NUP214: variants seen among roughly 807,000 people sequenced by gnomAD.
The protein encoded by NUP214 is nucleoporin 214.
Under a neutral mutation model 196.2 loss-of-function variants are expected in NUP214, and 79 were observed. That is an observed-to-expected ratio of 0.40 (90% confidence interval 0.34 to 0.49). NUP214 has a LOEUF of 0.49. Ranked by LOEUF, NUP214 falls within the 20% of genes least tolerant of loss-of-function variation. NUP214 has a pLI of 0.58. For missense variants in NUP214, 2,468 were observed against 2,539.0 expected, an observed-to-expected ratio of 0.97 and a Z score of 0.60; for synonymous variants, 1,020 against 990.5, an observed-to-expected ratio of 1.03 and a Z score of -0.56.
At position 131,150,330 on chromosome 9, in the gene NUP214, T is replaced by G; in HGVS notation, c.2047T>G (p.Ser683Ala). 6.2e-7 allele frequency: 1 copy of G among 1,614,138 alleles called. No homozygotes were observed. Among genetic ancestry groups the G allele is most frequent in the Non-Finnish European group, 8.5e-7 (1 of 1,179,964 alleles). The change falls in exon 15 of 36, where the codon TCA (serine) becomes GCA (alanine). Residue 683 changes from serine to alanine, a missense_variant. Around this residue, in one of 5 missense-constraint regions of NUP214, gnomAD observed 1,801 missense variants for 1,779.4 expected, o/e 1.01. Coordinates refer to ENST00000359428, the MANE Select transcript of NUP214 (RefSeq NM_005085.4). ...AAKPGSPQAK[S>A]LQPAVAEKQG... is the part of the protein sequence containing the mutation. ...CCTTTTCCTTCCATTTCAGGCAAAG[T>G]CACTTCAGCCTGCTGTTGCAGAAAA...
chr9:131,169,599 G>A (rs1832896894), intron 21 of NUP214, among the ~76,000 whole-genome samples: 1 of 152,180 alleles, frequency 6.6e-6, no homozygotes, highest in Non-Finnish European at 1.5e-5. Context: ...TACTGTAATG[G>A]CAAACACGTA....
intron 14 of NUP214, among the ~76,000 whole-genome samples, chr9:131,148,547 G>A (rs769985534): frequency 2.6e-5 from 4 of 152,148 alleles, no homozygotes; most frequent in Non-Finnish European, 5.9e-5. Context: ...AAGAGTGTAT[G>A]AGACTTCTGG....
In NUP214 at chr9:131,198,066, C is replaced by G; in HGVS notation, c.4572C>G (p.Ala1524=). The G allele has an allele frequency of 6.2e-7, 1 of 1,614,194 alleles. No homozygotes were observed. The highest frequency in any genetic ancestry group is 8.5e-7 in the Non-Finnish European group (1 of 1,180,032). Reference sequence around the variant, plus strand: ...CACTTCTAGAGGAGCAACAGTCAGCCCAGCTTCCCCAGGCTCCTCCGCAAA... The same window carrying G: ...CACTTCTAGAGGAGCAACAGTCAGCGCAGCTTCCCCAGGCTCCTCCGCAAA... ...AASLLEEQQS[A]QLPQAPPQTS... The change falls in exon 29 of 36, where the codon GCC becomes GCG. Residue 1524 remains alanine (A), a synonymous_variant. Coordinates refer to ENST00000359428, the MANE Select transcript of NUP214 (RefSeq NM_005085.4).
chr9:131,166,525 A>G (rs1384978027), intron 21 of NUP214, among the ~76,000 whole-genome samples: 1 of 152,208 alleles, frequency 6.6e-6, no homozygotes, highest in East Asian at 1.9e-4. Context: ...ATACTCATTT[A>G]ATGTTAGTGG....
intron 30 of NUP214, among the ~76,000 whole-genome samples, chr9:131,214,323 G>C (rs1009282000): frequency 6.6e-6 from 1 of 152,190 alleles, no homozygotes; most frequent in African/African-American, 2.4e-5. Flanking sequence ...TTCAGGCTCT[G>C]TTCTAAAGTG....
In NUP214 at chr9:131,175,480, A is replaced by C; in HGVS notation, c.3178A>C (p.Ile1060Leu). 6.2e-7 allele frequency: 1 copy of C among 1,614,134 alleles called. No individual in the cohort carries two copies. The highest frequency in any genetic ancestry group is 1.1e-5 in the South Asian group (1 of 91,080). Residue 1060 changes from isoleucine (I) to leucine (L), a missense_variant, in exon 23 of 36, where the codon ATT (isoleucine) becomes CTT (leucine). Transcript: ENST00000359428. ...GTSVATSASKIIPQGADSTML... is the reference protein window; with the variant it reads ...GTSVATSASKLIPQGADSTML... ...CTTAGTGGCTACATCTGCTAGCAAA[A>C]TTATTCCTCAAGGGGCCGATAGCAC...
rs577972154 is a variant in NUP214 at position 131,127,357 on chromosome 9, T to C, written c.46-167T>C. Among the ~76,000 whole-genome samples, 4 of 152,314 alleles carry C rather than the reference T, an allele frequency of 2.6e-5. No individual in the cohort carries two copies. The South Asian group carries it at 8.3e-4, about 32-fold the overall frequency. On this transcript the variant is annotated intron_variant, in intron 1 of 35. Coordinates refer to ENST00000359428, the MANE Select transcript of NUP214 (RefSeq NM_005085.4). Reference sequence around the variant, plus strand: ...AAGATCGCTGCACTGCACTCCAGCCTGGACGACAGAGCGAGACTCCATCTC... The same window carrying C: ...AAGATCGCTGCACTGCACTCCAGCCCGGACGACAGAGCGAGACTCCATCTC...
rs778211365 is a variant in NUP214, at chr9:131,197,757, C to A, written c.4263C>A (p.Ser1421=). 6.2e-7 allele frequency: 1 copy of A among 1,614,102 alleles called. No homozygotes were observed. Among genetic ancestry groups the A allele is most frequent in the Non-Finnish European group, 8.5e-7 (1 of 1,180,052 alleles). ...FGSLPVTSAG[S]SGVISFGGTS... ...GTCTGCCAGTCACCAGTGCAGGATC[C>A]TCTGGGGTCATCAGTTTTGGTGGGA... Residue 1421 remains serine (S), a synonymous_variant, in exon 29 of 36, where the codon TCC becomes TCA. Coordinates refer to ENST00000359428, the MANE Select transcript of NUP214 (RefSeq NM_005085.4).
rs1200884260 is a variant in NUP214 at position 131,139,302 on chromosome 9, C to T, written c.1027C>T (p.Leu343=). Residue 343 remains leucine (L), a synonymous_variant, in exon 10 of 36, where the codon CTG becomes TTG. Transcript: ENST00000359428. ...TTAGATTAATTGGGAATCTTGGCTA[C>T]TGGAGGATTCTAGTCGAGCTGAATT... ...SDQINWESWL[L]EDSSRAELPV... is the part of the protein sequence containing the mutation. 9.1e-7 allele frequency: 1 copy of T among 1,102,170 alleles called. No individual in the cohort carries two copies. 68.3% of individuals were successfully genotyped at this position (1,102,170 alleles called of 1,614,324 possible).
intron 21 of NUP214, among the ~76,000 whole-genome samples, chr9:131,169,034 G>GTTTTTTTT (rs58054099): frequency 8.1e-6 from 1 of 124,130 alleles, no homozygotes; most frequent in African/African-American, 3.1e-5. Context: ...GTTTTTTTTT[G>GTTTTTTTT]TTTTTTTTTT....
Position 131,125,934 on chromosome 9 carries a change from G to C in NUP214, c.45+185G>C, listed in dbSNP as rs1588117574. 1.0e-5 allele frequency: 7 copies of C among 697,934 alleles called. No homozygotes were observed. The East Asian group carries it at 1.7e-4, about 17-fold the overall frequency. The allele number at this position is 697,934 out of a possible 1,614,324, so 43.2% of individuals were successfully genotyped here. A position where few individuals can be genotyped will look rare whatever the true frequency, so the allele number is the denominator to read the frequency against. Reference sequence around the variant, plus strand: ...TAGCCCCACCGAATGCAGTTTCCCAGTCCCATCCTGGTCTCGTGCACGGCT... The same window carrying C: ...TAGCCCCACCGAATGCAGTTTCCCACTCCCATCCTGGTCTCGTGCACGGCT... On this transcript the variant is annotated intron_variant, in intron 1 of 35. Coordinates refer to ENST00000359428, the MANE Select transcript of NUP214 (RefSeq NM_005085.4). The surrounding 1 kb of genome is among the most constrained non-coding windows in gnomAD (Gnocchi z 4.1).
At chr9:131,164,262 A>T in intron 21 of NUP214, 118 bp downstream of exon 21, 1 of 828,926 alleles carries the variant, frequency 1.2e-6, no homozygotes, top group Non-Finnish European at 2.0e-6. Context: ...ATGTGTGTGT[A>T]AGTGTGTGTG....
chr9:131,231,896 G>A (rs1834888293), intron 34 of NUP214, among the ~76,000 whole-genome samples: 1 of 134,564 alleles, frequency 7.4e-6, no homozygotes, highest in African/African-American at 2.9e-5. Flanking sequence ...GCAAATGGAT[G>A]GAAAAACAAC....
chr9:131,150,372 A>T lies in NUP214; in HGVS notation c.2089A>T (p.Lys697Ter). ...TGCAGAAAAGCAGGGACATCAGTGG[A>T]AAGATTCAGATCCTGTAATGGCTGG... ...AVAEKQGHQW[K>*]DSDPVMAGIG... Residue 697 changes from lysine (K) to a stop codon, truncating the protein, a stop_gained, in exon 15 of 36, where the codon AAA becomes TAA. Transcript: ENST00000359428. LOFTEE classifies it high-confidence loss of function. 1 of 1,614,218 alleles carries T rather than the reference A, an allele frequency of 6.2e-7. No homozygotes were observed. The highest frequency in any genetic ancestry group is 8.5e-7 in the Non-Finnish European group (1 of 1,180,032).
rs776259804 is a variant in NUP214 at position 131,198,794 on chromosome 9, C to G, written c.5300C>G (p.Thr1767Ser). The G allele has an allele frequency of 3.5e-5, 57 of 1,614,246 alleles. No homozygotes were observed. The highest frequency in any genetic ancestry group is 4.7e-5 in the Non-Finnish European group (56 of 1,180,038). Residue 1767 changes from threonine to serine, a missense_variant, in exon 29 of 36, where the codon ACC becomes AGC. By Grantham distance (58) the Thr-to-Ser change is moderately conservative (BLOSUM62 1). Around this residue, in one of 5 missense-constraint regions of NUP214, gnomAD observed 1,801 missense variants for 1,779.4 expected, o/e 1.01. Transcript: ENST00000359428. Reference sequence around the variant, plus strand: ...CCTGCTTCCTCCACTCCCACATCCACCAGTGGAAGTGTCTTTGGTGCCGCC... The same window carrying G: ...CCTGCTTCCTCCACTCCCACATCCAGCAGTGGAAGTGTCTTTGGTGCCGCC... ...GQPASSTPTS[T>S]SGSVFGAASS...
At position 131,130,132 on chromosome 9, in the gene NUP214, G is replaced by GTTTTTTTTTTTTTTT. The variant is rs1245763919; in HGVS notation, c.593-630_593-629insTTTTTTTTTTTTTTT. Among the ~76,000 whole-genome samples, 14 of 46,608 alleles carry GTTTTTTTTTTTTTTT rather than the reference G, an allele frequency of 3.0e-4. 1 individual carries two copies. The highest frequency in any genetic ancestry group is 3.4e-4 in the Non-Finnish European group (8 of 23,464). The allele number at this position is 46,608 out of a possible 152,430, so 30.6% of individuals were successfully genotyped here. A position where few individuals can be genotyped will look rare whatever the true frequency, so the allele number is the denominator to read the frequency against. ...AATGGGAGCAGGAGAATGATTTCTG[G>GTTTTTTTTTTTTTTT]TTTTGTTTTTTTTTTTTTGTTTTTT... On this transcript the variant is annotated intron_variant, in intron 4 of 35. Coordinates refer to ENST00000359428, the MANE Select transcript of NUP214 (RefSeq NM_005085.4).
Position 131,132,119 on chromosome 9 carries a change from C to CTTTTTTTTTTTTTTTTTTTTTTTTTCTTT in NUP214, c.664-461_664-460insTTTTTTTTTCTTTTTTTTTTTTTTTTTTT, listed in dbSNP as rs71389396. Among the ~76,000 whole-genome samples the CTTTTTTTTTTTTTTTTTTTTTTTTTCTTT allele has an allele frequency of 1.7e-5, 2 of 114,660 alleles. 1 individual carries two copies. Among genetic ancestry groups the CTTTTTTTTTTTTTTTTTTTTTTTTTCTTT allele is most frequent in the African/African-American group, 7.2e-5 (2 of 27,676 alleles). 75.2% of individuals were successfully genotyped at this position (114,660 alleles called of 152,430 possible). A position where few individuals can be genotyped will look rare whatever the true frequency, so the allele number is the denominator to read the frequency against. Reference sequence around the variant, plus strand: ...TTCATGCGTTTCTTTTCTTTTCTTTCTTTTTTTTTTTTTTTTGGAGACCAA... The same window carrying CTTTTTTTTTTTTTTTTTTTTTTTTTCTTT: ...TTCATGCGTTTCTTTTCTTTTCTTTCTTTTTTTTTTTTTTTTTTTTTTTTTCTTTTTTTTTTTTTTTTTTTGGAGACCAA... On this transcript the variant is annotated intron_variant, in intron 5 of 35. Transcript: ENST00000359428.
At chr9:131,154,095 C>T (rs1042521359) in intron 17 of NUP214, among the ~76,000 whole-genome samples, 1 of 152,168 alleles carries the variant, frequency 6.6e-6, no homozygotes, top group African/African-American at 2.4e-5. Context: ...GAAAGAGCCT[C>T]GGTGAGTTGA....
At chr9:131,213,681 T>C (rs890909245) in intron 30 of NUP214, among the ~76,000 whole-genome samples, 1 of 152,154 alleles carries the variant, frequency 6.6e-6, no homozygotes, top group Non-Finnish European at 1.5e-5. Context: ...GCCAATGCTG[T>C]TAGGACTGAA....
Sources: gnomAD v4.1 joint callset for allele counts (sites outside exome capture counted in the v4.1 genomes callset) on GRCh38, gnomAD v4.1.1 for gene constraint, gnomAD v4.1.1 regional missense constraint, Gnocchi (gnomAD v3.1) non-coding constraint, MANE v1.5 for transcripts, NCBI Gene and HGNC (gene_info 2026-07-23, HGNC 2026-07-21) for gene names.